The following AMZ1 variants were observed in gnomAD, a reference collection of about 807,000 sequenced individuals.
AMZ1 encodes archaemetzincin-1.
AMZ1 carries 39 observed loss-of-function variants against 29.9 expected under a neutral mutation model. The observed-to-expected ratio is 1.30, with a 90% CI of 1.01 to 1.70. The LOEUF is 1.70. Among genes scored for constraint, AMZ1 ranks in the 40% most tolerant of loss-of-function variants. The pLI is 0.00. For missense variants in AMZ1, 1,041 were observed against 680.6 expected (o/e 1.53, Z -5.89); for synonymous variants, 458 against 304.0 (o/e 1.51, Z -5.27).
chr7:2,703,759 A>G (rs1218548278), intron 3 of AMZ1, among the ~76,000 whole-genome samples: 1 of 152,196 alleles, frequency 6.6e-6, no homozygotes, highest in Non-Finnish European at 1.5e-5. Flanking sequence ...CTTCTCTCCT[A>G]TGACTCCAAC....
At position 2,715,104 on chromosome 7, in the gene AMZ1, T is replaced by G. The variant is rs752580967; in HGVS notation, c.*2226T>G. The G allele has an allele frequency of 3.3e-5, 5 of 152,064 alleles. No individual in the cohort carries two copies. Among genetic ancestry groups the G allele is most frequent in the Non-Finnish European group, 7.4e-5 (5 of 67,974 alleles). 9.4% of individuals were successfully genotyped at this position (152,064 alleles called of 1,614,324 possible). A position where few individuals can be genotyped will look rare whatever the true frequency, so the allele number is the denominator to read the frequency against. ...CTTCCTCACAATATGGCGGTTGCCCTCCTAAGGTGGACATCGGGAGGGTCA... is the reference window on the plus strand; with the variant it reads ...CTTCCTCACAATATGGCGGTTGCCCGCCTAAGGTGGACATCGGGAGGGTCA... On this transcript the variant is annotated 3_prime_UTR_variant, in exon 7 of 7. Coordinates refer to ENST00000683327, the MANE Select transcript of AMZ1 (RefSeq NM_001384743.1).
At chr7:2,696,873 G>T (rs1260341687) in intron 1 of AMZ1, among the ~76,000 whole-genome samples, 2 of 151,102 alleles carry the variant, frequency 1.3e-5, no homozygotes, top group Non-Finnish European at 2.9e-5. Context: ...GGTAGAGGGA[G>T]ACTCTGTCTC....
rs540650945 is a variant in AMZ1 at position 2,731,472 on chromosome 7, G to C, written n.550+21656G>C. 1.2e-6 allele frequency: 2 copies of C among 1,613,990 alleles called. No individual in the cohort carries two copies. Among genetic ancestry groups the C allele is most frequent in the Admixed American group, 1.7e-5 (1 of 60,012 alleles). ...AGAGAATGATGGAGACGTTGAAGAA[G>C]AGCTTGTTGTTGACGATGGTCTCGA... is the stretch of plus-strand genomic sequence containing the variant. On this transcript the variant is annotated intron_variant and non_coding_transcript_variant, in intron 4 of 4. Transcript: ENST00000489665. The surrounding 1 kb of genome is among the most constrained non-coding windows in gnomAD (Gnocchi z 6.0).
intron 4 of AMZ1, chr7:2,728,108 T>C (rs1033037514): frequency 1.3e-5 from 2 of 152,290 alleles, no homozygotes; most frequent in South Asian, 2.1e-4. Context: ...GGCACTATTT[T>C]ATATTAAGCA....
chr7:2,712,697 G>A lies in AMZ1; in HGVS notation c.1316G>A (p.Arg439His), dbSNP rs372160971. 108 of 1,611,668 alleles carry A rather than the reference G, an allele frequency of 6.7e-5. No homozygotes were observed. The highest frequency in any genetic ancestry group is 8.5e-5 in the Non-Finnish European group (100 of 1,179,244). ...QVDRAVDALDRWEMFTGQLPA... is the reference protein window; with the variant it reads ...QVDRAVDALDHWEMFTGQLPA... ...GACAGAGCCGTGGACGCCCTCGACCGCTGGGAGATGTTCACGGGCCAGCTC... is the reference window on the plus strand; with the variant it reads ...GACAGAGCCGTGGACGCCCTCGACCACTGGGAGATGTTCACGGGCCAGCTC... The change falls in exon 7 of 7, where the codon CGC becomes CAC. Residue 439 changes from arginine to histidine, a missense_variant. Transcript: ENST00000683327.
intron 4 of AMZ1, chr7:2,729,394 C>G (rs1047894913): frequency 1.3e-5 from 2 of 152,400 alleles, no homozygotes; most frequent in Admixed American, 1.3e-4. Flanking sequence ...TCCGTGAGGT[C>G]TGTGAAGAGC....
upstream of AMZ1, among the ~76,000 whole-genome samples, chr7:2,760,790 C>A (rs190073133): frequency 9.2e-5 from 14 of 152,364 alleles, no homozygotes; most frequent in Admixed American, 3.3e-4. Flanking sequence ...TACTGCTGGA[C>A]CGTCCCAGCT....
intron 1 of AMZ1, among the ~76,000 whole-genome samples, chr7:2,693,252 C>T (rs1187706448): frequency 1.3e-5 from 2 of 152,260 alleles, no homozygotes; most frequent in Middle Eastern, 3.4e-3. Flanking sequence ...CCACGCCCAG[C>T]TAATATTGTA....
Position 2,731,717 on chromosome 7 carries a change from C to T in AMZ1, n.550+21901C>T. 1 of 1,568,236 alleles carries T rather than the reference C, an allele frequency of 6.4e-7. No homozygotes were observed. Among genetic ancestry groups the T allele is most frequent in the Non-Finnish European group, 8.7e-7 (1 of 1,152,760 alleles). ...ACAATTCCCTTGGTGGCTTTCCTAG[C>T]CAGCAGGATATCTTGCTTACTAGGA... On this transcript the variant is annotated intron_variant and non_coding_transcript_variant, in intron 4 of 4. Coordinates refer to the AMZ1 transcript ENST00000489665. This position sits in a 1 kb window ranked among gnomAD's most constrained non-coding sequence, Gnocchi z 6.0.
chr7:2,690,932 G>T (rs1787349064), intron 1 of AMZ1, among the ~76,000 whole-genome samples: 1 of 151,740 alleles, frequency 6.6e-6, no homozygotes, highest in African/African-American at 2.4e-5. Context: ...CTTGAGGCCA[G>T]GAGTTCGATA....
At chr7:2,693,988 C>T (rs1216070378) in intron 1 of AMZ1, among the ~76,000 whole-genome samples, 2 of 152,230 alleles carry the variant, frequency 1.3e-5, no homozygotes, top group African/African-American at 4.8e-5. Context: ...TTTGTCCACT[C>T]ATGTTGGAAA....
chr7:2,694,907 G>A (rs1412700499), intron 1 of AMZ1, among the ~76,000 whole-genome samples: 6 of 152,058 alleles, frequency 3.9e-5, no homozygotes, highest in Admixed American at 1.3e-4. Flanking sequence ...TCCTGACCTC[G>A]AGTGATCCGC....
rs1562373238 is a variant in AMZ1 at position 2,709,717 on chromosome 7, C to CAG, written c.850_851dup (p.Ser284ArgfsTer18). On this transcript the variant is annotated frameshift_variant, in exon 6 of 7. Coordinates refer to ENST00000683327, the MANE Select transcript of AMZ1 (RefSeq NM_001384743.1). LOFTEE classifies it high-confidence loss of function. ...TCCGCTGCCTCATGCAGGGTGCGCTCAGCCTGGACGAGGCCCTGCGGCGGC... is the reference window on the plus strand; with the variant it reads ...TCCGCTGCCTCATGCAGGGTGCGCTCAGAGCCTGGACGAGGCCCTGCGGCGGC... 3 of 1,611,282 alleles carry CAG rather than the reference C, an allele frequency of 1.9e-6. No individual in the cohort carries two copies. The highest frequency in any genetic ancestry group is 2.5e-6 in the Non-Finnish European group (3 of 1,179,862).
At chr7:2,750,794 G>A (rs927553766) in intron 4 of AMZ1, among the ~76,000 whole-genome samples, 3 of 152,226 alleles carry the variant, frequency 2.0e-5, no homozygotes, top group African/African-American at 7.2e-5. Flanking sequence ...GAAACACAGT[G>A]TGAAGTTACA....
intron 4 of AMZ1, among the ~76,000 whole-genome samples, chr7:2,749,189 C>G (rs1202541342): frequency 6.6e-6 from 1 of 152,122 alleles, no homozygotes; most frequent in South Asian, 2.1e-4. Flanking sequence ...ATAAATCATG[C>G]TGCTATAAAG....
At chr7:2,696,939 G>A (rs978639791) in intron 1 of AMZ1, among the ~76,000 whole-genome samples, 6 of 152,090 alleles carry the variant, frequency 3.9e-5, no homozygotes, top group Non-Finnish European at 7.4e-5. Context: ...GTAAACTGGT[G>A]TGATCTTTCT....
intron 1 of AMZ1, among the ~76,000 whole-genome samples, chr7:2,681,125 G>A (rs1396153269): frequency 6.6e-6 from 1 of 152,254 alleles, no homozygotes; most frequent in Non-Finnish European, 1.5e-5. Context: ...CAGGGCTGGA[G>A]CGGGGCCATG....
chr7:2,757,565 C>T (rs1418872866), intron 4 of AMZ1, among the ~76,000 whole-genome samples: 1 of 152,148 alleles, frequency 6.6e-6, no homozygotes, highest in African/African-American at 2.4e-5. Context: ...GCCAGGTGCA[C>T]CAGCCTGCGA....
chr7:2,692,121 C>G (rs575845263), intron 1 of AMZ1, among the ~76,000 whole-genome samples: 1 of 152,320 alleles, frequency 6.6e-6, no homozygotes, highest in South Asian at 2.1e-4. Flanking sequence ...TGGTGAGTCT[C>G]CTGTGGCGTC....
Sources: gnomAD v4.1 joint callset for allele counts (sites outside exome capture counted in the v4.1 genomes callset) on GRCh38, gnomAD v4.1.1 for gene constraint, Gnocchi (gnomAD v3.1) non-coding constraint, MANE v1.5 for transcripts, NCBI Gene and HGNC (gene_info 2026-07-23, HGNC 2026-07-21) for gene names.